Variants in RAD54B observed in about 807,000 individuals in gnomAD.
RAD54B encodes the protein DNA repair and recombination protein RAD54B.
Under a neutral mutation model 95.8 loss-of-function variants are expected in RAD54B, and 78 were observed. The observed-to-expected ratio is 0.81, with a 90% CI of 0.68 to 0.98. The LOEUF (loss-of-function observed/expected upper bound fraction) is 0.98. RAD54B is among the 50% of genes least tolerant of loss of function. The pLI is 0.00. For missense variants in RAD54B, 957 were observed against 1,056.6 expected (o/e 0.91, Z 1.31); for synonymous variants, 328 against 354.9 (o/e 0.92, Z 0.85).
rs78974004 is a variant in RAD54B at position 94,403,189 on chromosome 8, A to G, written c.944+888T>C. On this transcript the variant is annotated intron_variant, in intron 6 of 14. Transcript: ENST00000336148. ...GGTCTTGGCATTTAAAAACAAGGCA[A>G]AACAAAACCAAAACAAATAAACAAA... Among the ~76,000 whole-genome samples, 920 of 152,338 alleles carry G rather than the reference A, an allele frequency of 6.0e-3. 13 individuals are homozygous for G. The highest frequency in any genetic ancestry group is 0.021 in the African/African-American group (872 of 41,576).
chr8:94,380,450 G>T, intron 11 of RAD54B, 44 bp from the exon 12 acceptor site: 1 of 1,535,602 alleles, frequency 6.5e-7, no homozygotes, highest in Non-Finnish European at 8.8e-7. Context: ...TTTAAAGGCA[G>T]CATTAGATTT....
Position 94,372,389 on chromosome 8 carries a change from T to C in RAD54B, c.2516-2A>G. 1 of 1,611,194 alleles carries C rather than the reference T, an allele frequency of 6.2e-7. No individual in the cohort carries two copies. ...CAATGAATTTTTCCAACGAATCACC[T>C]GTAATAAGTAAAACAATGAGAAAAT... On this transcript the variant is annotated splice_acceptor_variant, in intron 14 of 14. Coordinates refer to ENST00000336148, the MANE Select transcript of RAD54B (RefSeq NM_012415.3). LOFTEE classifies it high-confidence loss of function.
At chr8:94,422,782 T>G (rs1811855830) in intron 3 of RAD54B, among the ~76,000 whole-genome samples, 2 of 142,098 alleles carry the variant, frequency 1.4e-5, no homozygotes, top group African/African-American at 2.7e-5. Flanking sequence ...ATATAATTGT[T>G]AGGGGTGGTT....
Position 94,371,962 on chromosome 8 carries a change from C to T in RAD54B, c.*208G>A. 1.3e-6 allele frequency: 1 copy of T among 781,902 alleles called. No individual in the cohort carries two copies. The highest frequency in any genetic ancestry group is 1.8e-6 in the Non-Finnish European group (1 of 570,210). 48.4% of individuals were successfully genotyped at this position (781,902 alleles called of 1,614,324 possible). Reference sequence around the variant, plus strand: ...AATCAAGGAATTATTAACAATTATACAATGATATAAGCACATCTTTATTTT... The same window carrying T: ...AATCAAGGAATTATTAACAATTATATAATGATATAAGCACATCTTTATTTT... On this transcript the variant is annotated 3_prime_UTR_variant, in exon 15 of 15. Coordinates refer to ENST00000336148, the MANE Select transcript of RAD54B (RefSeq NM_012415.3).
chr8:94,374,086 T>C (rs756169053), intron 14 of RAD54B, among the ~76,000 whole-genome samples: 9 of 152,148 alleles, frequency 5.9e-5, no homozygotes, highest in Non-Finnish European at 1.2e-4. Flanking sequence ...GAGACCATCC[T>C]GGCTAACACA....
At chr8:94,375,008 T>C (rs759838067) in intron 14 of RAD54B, among the ~76,000 whole-genome samples, 6 of 152,182 alleles carry the variant, frequency 3.9e-5, no homozygotes, top group Admixed American at 6.5e-5. Flanking sequence ...TTGGCAAATA[T>C]ACAAACATTT....
At chr8:94,458,493 C>A in intron 2 of RAD54B, 57 bp from the exon 3 acceptor site, 2 of 1,283,332 alleles carry the variant, frequency 1.6e-6, no homozygotes, top group Non-Finnish European at 2.1e-6. Context: ...TCTGTATTTT[C>A]TGTATTTTTA....
chr8:94,378,204 A>G lies in RAD54B; in HGVS notation c.2491T>C (p.Cys831Arg). ...CVTHDLLDCE[C>R]TGEEVHTGDS... ...CCTGTATGAACTTCTTCTCCTGTAC[A>G]CTCACAGTCAAGCAGATCATGAGTA... is the stretch of plus-strand genomic sequence containing the variant. Residue 831 changes from cysteine to arginine, a missense_variant, in exon 14 of 15, where the codon TGT becomes CGT. Transcript: ENST00000336148. 1.2e-6 allele frequency: 2 copies of G among 1,611,814 alleles called. No homozygotes were observed. Among genetic ancestry groups the G allele is most frequent in the Admixed American group, 1.7e-5 (1 of 59,966 alleles).
intron 3 of RAD54B, chr8:94,430,219 G>C (rs765408486): frequency 2.9e-6 from 2 of 701,332 alleles, no homozygotes; most frequent in Non-Finnish European, 3.5e-6. Context: ...GCTGAAGCAG[G>C]AGAATCGCTT....
chr8:94,439,680 G>A (rs372667317), intron 3 of RAD54B, among the ~76,000 whole-genome samples: 1 of 151,926 alleles, frequency 6.6e-6, no homozygotes, highest in Admixed American at 6.6e-5. Flanking sequence ...AACTCAAGGC[G>A]GGGGCGGGGT....
chr8:94,449,491 C>A (rs1812603732), intron 3 of RAD54B, among the ~76,000 whole-genome samples: 1 of 151,886 alleles, frequency 6.6e-6, no homozygotes, highest in South Asian at 2.1e-4. Context: ...CACCTGTAAT[C>A]CCAGCTACTC....
At chr8:94,442,569 T>C (rs1489796778) in intron 3 of RAD54B, among the ~76,000 whole-genome samples, 7 of 138,404 alleles carry the variant, frequency 5.1e-5, no homozygotes, top group South Asian at 2.3e-4. Context: ...AGCGAGACTC[T>C]GTCTCAGAAA....
chr8:94,379,429 G>A (rs1368977570), intron 12 of RAD54B, among the ~76,000 whole-genome samples: 1 of 152,188 alleles, frequency 6.6e-6, no homozygotes, highest in Non-Finnish European at 1.5e-5. Context: ...AGAATTAAGT[G>A]TTGTCCATAA....
chr8:94,373,323 T>G (rs1469717874), intron 14 of RAD54B, among the ~76,000 whole-genome samples: 1 of 152,242 alleles, frequency 6.6e-6, no homozygotes, highest in Non-Finnish European at 1.5e-5. Context: ...CAGCCGTTAT[T>G]CACCAAATCC....
chr8:94,380,473 GA>G, intron 11 of RAD54B, 67 bp from the exon 12 acceptor site: 1 of 1,427,308 alleles, frequency 7.0e-7, no homozygotes, highest in Non-Finnish European at 9.5e-7. Context: ...TTAGTTGAAA[GA>G]AAATACCACA....
chr8:94,435,796 A>G (rs572674657), intron 3 of RAD54B, among the ~76,000 whole-genome samples: 2 of 152,234 alleles, frequency 1.3e-5, no homozygotes, highest in South Asian at 4.1e-4. Context: ...ACTCTTTCCT[A>G]TACGACCCAA....
chr8:94,429,527 T>A, intron 3 of RAD54B: 5 of 984,690 alleles, frequency 5.1e-6, no homozygotes, highest in African/African-American at 1.7e-5. Flanking sequence ...CTTAGTAGCA[T>A]GCTGAAACTG....
chr8:94,442,154 C>T (rs1022381922), intron 3 of RAD54B, among the ~76,000 whole-genome samples: 2 of 152,168 alleles, frequency 1.3e-5, no homozygotes, highest in East Asian at 1.9e-4. Context: ...AGACAAATAC[C>T]GTATGTTCTC....
intron 1 of RAD54B, among the ~76,000 whole-genome samples, chr8:94,472,438 C>G (rs1196099421): frequency 1.3e-5 from 2 of 152,088 alleles, no homozygotes; most frequent in Non-Finnish European, 2.9e-5. Flanking sequence ...ACAATAGAAG[C>G]TGAAATTTAA....
Sources: allele counts gnomAD v4.1 joint callset (sites outside exome capture counted in the v4.1 genomes callset), GRCh38; gene constraint gnomAD v4.1.1; transcripts MANE v1.5; gene names NCBI Gene and HGNC (gene_info 2026-07-23, HGNC 2026-07-21).